Variants in BRINP2 observed in about 807,000 individuals in gnomAD.
BRINP2 encodes the protein BMP/retinoic acid inducible neural specific 2.
Under a neutral mutation model 69.2 loss-of-function variants are expected in BRINP2, and 21 were observed. That is an observed-to-expected ratio of 0.30 (90% CI 0.22 to 0.44). The LOEUF is 0.44. BRINP2 is among the 20% of genes least tolerant of loss of function. BRINP2 has a pLI of 1.00. For missense variants in BRINP2, 877 were observed against 986.0 expected (o/e 0.89, Z 1.48); for synonymous variants, 380 against 394.1 (o/e 0.96, Z 0.42).
intron 1 of BRINP2, among the ~76,000 whole-genome samples, chr1:177,191,662 G>C (rs1048872755): frequency 1.3e-5 from 2 of 152,016 alleles, no homozygotes; most frequent in African/African-American, 4.8e-5. Context: ...CATCTTGTTG[G>C]CCAGGCTGGT....
intron 4 of BRINP2, among the ~76,000 whole-genome samples, chr1:177,263,550 G>C (rs571303790): frequency 5.8e-4 from 88 of 152,236 alleles, no homozygotes; most frequent in Non-Finnish European, 2.5e-4. Flanking sequence ...ATGTCCTCAG[G>C]GTCAGCTATA....
At chr1:177,235,220 A>C (rs906791023) in intron 2 of BRINP2, among the ~76,000 whole-genome samples, 7 of 152,200 alleles carry the variant, frequency 4.6e-5, no homozygotes, top group Non-Finnish European at 1.0e-4. Context: ...CCAGGTGAAC[A>C]AGATGGCATC....
At chr1:177,213,928 A>G (rs1558161910) in intron 1 of BRINP2, among the ~76,000 whole-genome samples, 1 of 152,242 alleles carries the variant, frequency 6.6e-6, no homozygotes, top group African/African-American at 2.4e-5. Flanking sequence ...TGGGAAAATT[A>G]TTACCACATT....
In BRINP2 at chr1:177,262,692, A is replaced by G. The variant is rs190605642; in HGVS notation, c.669+5308A>G. 2.8e-4 allele frequency among the ~76,000 whole-genome samples: 43 copies of G among 152,324 alleles called. No homozygotes were observed. The East Asian group carries it at 8.1e-3, about 29-fold the overall frequency. ...CAGGATATTAGTTGCATGGTGAGAT[A>G]GTGCTGTTGTTTTCTTTTGATTGGC... On this transcript the variant is annotated intron_variant, in intron 4 of 7. Transcript: ENST00000361539.
chr1:177,219,055 T>C (rs1649452314), intron 1 of BRINP2, among the ~76,000 whole-genome samples: 1 of 152,240 alleles, frequency 6.6e-6, no homozygotes, highest in Admixed American at 6.5e-5. Context: ...GCTTAATAAC[T>C]GAAGAGAGAG....
intron 1 of BRINP2, among the ~76,000 whole-genome samples, chr1:177,223,729 C>G (rs908075107): frequency 6.6e-6 from 1 of 152,034 alleles, no homozygotes. Context: ...TATTATTAAC[C>G]TGATTCTATA....
At chr1:177,223,105 G>A (rs1405205188) in intron 1 of BRINP2, among the ~76,000 whole-genome samples, 2 of 152,110 alleles carry the variant, frequency 1.3e-5, no homozygotes, top group African/African-American at 4.8e-5. Context: ...CTGCACATTC[G>A]GCCCCTGGCT....
At chr1:177,206,902 G>A (rs1321510838) in intron 1 of BRINP2, among the ~76,000 whole-genome samples, 3 of 152,124 alleles carry the variant, frequency 2.0e-5, no homozygotes, top group Non-Finnish European at 4.4e-5. Flanking sequence ...GAAGAGATTA[G>A]GGGCAAGAGT....
At chr1:177,239,570 T>A (rs1297747163) in intron 2 of BRINP2, among the ~76,000 whole-genome samples, 2 of 152,196 alleles carry the variant, frequency 1.3e-5, no homozygotes, top group Non-Finnish European at 2.9e-5. Context: ...GGAAATGTCT[T>A]ATATTTCAGG....
At chr1:177,173,714 T>A (rs955838976) in intron 1 of BRINP2, among the ~76,000 whole-genome samples, 1 of 152,182 alleles carries the variant, frequency 6.6e-6, no homozygotes, top group Non-Finnish European at 1.5e-5. Context: ...AACAACCCTG[T>A]GTCATCACCT....
intron 2 of BRINP2, among the ~76,000 whole-genome samples, chr1:177,231,030 A>T (rs1447227239): frequency 6.6e-6 from 1 of 152,238 alleles, no homozygotes; most frequent in Non-Finnish European, 1.5e-5. Flanking sequence ...AAAGCACAAA[A>T]GGAAACAGAA....
intron 1 of BRINP2, among the ~76,000 whole-genome samples, chr1:177,204,003 A>C (rs1648996967): frequency 6.6e-6 from 1 of 152,214 alleles, no homozygotes. Context: ...TAGGAGTGCC[A>C]ATATCAGGAG....
At chr1:177,182,935 TTTG>T (rs773100272) in intron 1 of BRINP2, among the ~76,000 whole-genome samples, 8 of 152,134 alleles carry the variant, frequency 5.3e-5, no homozygotes, top group South Asian at 2.1e-4. Context: ...ACTTAGGGGT[TTTG>T]TTGTTGTTGT....
At chr1:177,195,788 G>A (rs969855482) in intron 1 of BRINP2, among the ~76,000 whole-genome samples, 15 of 152,088 alleles carry the variant, frequency 9.9e-5, no homozygotes, top group African/African-American at 3.1e-4. Context: ...GGAGAAAAAC[G>A]TGTGGGGCCC....
chr1:177,240,236 T>C (rs1203384151), intron 2 of BRINP2, among the ~76,000 whole-genome samples: 3 of 152,192 alleles, frequency 2.0e-5, no homozygotes, highest in African/African-American at 7.2e-5. Context: ...CACAGAGGCA[T>C]GTAAACACCT....
At chr1:177,175,494 G>A (rs1648063897) in intron 1 of BRINP2, among the ~76,000 whole-genome samples, 1 of 152,212 alleles carries the variant, frequency 6.6e-6, no homozygotes, top group Admixed American at 6.5e-5. Context: ...GCAAAGCGCA[G>A]GGCCTGTGAG....
In BRINP2 at chr1:177,230,106, G is replaced by T; in HGVS notation, c.230G>T (p.Arg77Leu). The T allele has an allele frequency of 6.2e-7, 1 of 1,612,608 alleles. No homozygotes were observed. The highest frequency in any genetic ancestry group is 8.5e-7 in the Non-Finnish European group (1 of 1,179,312). Residue 77 changes from arginine to leucine, a missense_variant, in exon 2 of 8, where the codon CGG (arginine) becomes CTG (leucine). Physicochemically the swap from Arg to Leu is moderately radical, Grantham distance 102. Transcript: ENST00000361539. ...CAGGAGTATGCTGACTTCATGGAGC[G>T]GTACCGCCAGGGTTTCACCACCAGG... is the stretch of plus-strand genomic sequence containing the variant. ...RAQEYADFME[R>L]YRQGFTTRYR...
chr1:177,185,249 C>G (rs1281162015), intron 1 of BRINP2, among the ~76,000 whole-genome samples: 2 of 152,122 alleles, frequency 1.3e-5, no homozygotes, highest in Non-Finnish European at 2.9e-5. Flanking sequence ...CACATTAGAC[C>G]GGTCTGGAAA....
At chr1:177,276,778 G>A (rs143068033) in intron 6 of BRINP2, among the ~76,000 whole-genome samples, 57 of 152,334 alleles carry the variant, frequency 3.7e-4, no homozygotes, top group African/African-American at 1.1e-3. Flanking sequence ...ATAAATATCT[G>A]TTGAATCAAT....
Sources: allele counts gnomAD v4.1 joint callset (sites outside exome capture counted in the v4.1 genomes callset), GRCh38; gene constraint gnomAD v4.1.1; transcripts MANE v1.5; gene names NCBI Gene and HGNC (gene_info 2026-07-23, HGNC 2026-07-21).